RABGAP1L: variants seen among roughly 807,000 people sequenced by gnomAD.
RABGAP1L encodes rab GTPase-activating protein 1-like.
In RABGAP1L, 63 loss-of-function variants were observed where a neutral mutation model predicts 137.7. That is an observed-to-expected ratio of 0.46 (90% confidence interval 0.37 to 0.56). RABGAP1L has a LOEUF of 0.56. Ranked by LOEUF, RABGAP1L falls within the 20% of genes least tolerant of loss-of-function variation. The pLI, the probability that RABGAP1L is intolerant of heterozygous loss-of-function variation, is 0.00. For missense variants in RABGAP1L, 1,095 were observed against 1,244.0 expected (o/e 0.88, Z 1.80); for synonymous variants, 431 against 433.7 (o/e 0.99, Z 0.08).
At chr1:174,985,606 G>GT (rs1420299242) in intron 24 of RABGAP1L, among the ~76,000 whole-genome samples, 1 of 152,020 alleles carries the variant, frequency 6.6e-6, no homozygotes, top group African/African-American at 2.4e-5. Flanking sequence ...ATAGCTTTTG[G>GT]TTTTTTCAGT....
At chr1:174,200,374 T>C (rs1210546897) in intron 1 of RABGAP1L, among the ~76,000 whole-genome samples, 1 of 152,212 alleles carries the variant, frequency 6.6e-6, no homozygotes, top group Non-Finnish European at 1.5e-5. Flanking sequence ...TACCTTTTTG[T>C]ACTTGATTAG....
chr1:174,210,001 G>A (rs1463388627), intron 1 of RABGAP1L, among the ~76,000 whole-genome samples: 1 of 152,186 alleles, frequency 6.6e-6, no homozygotes, highest in East Asian at 1.9e-4. Flanking sequence ...AGACCGTCAA[G>A]GTGATACCTT....
chr1:174,255,607 C>T (rs1302144694), intron 7 of RABGAP1L, among the ~76,000 whole-genome samples: 1 of 152,212 alleles, frequency 6.6e-6, no homozygotes, highest in African/African-American at 2.4e-5. Context: ...TCACTGCAAC[C>T]TCCACCTCCT....
chr1:174,279,385 GT>G (rs1217933079), intron 10 of RABGAP1L, among the ~76,000 whole-genome samples: 2 of 152,086 alleles, frequency 1.3e-5, no homozygotes, highest in South Asian at 2.1e-4. Context: ...AATTGTGTGA[GT>G]TTTTAAAAAA....
At chr1:174,901,077 GT>G (rs1319304213) in intron 19 of RABGAP1L, among the ~76,000 whole-genome samples, 1 of 151,488 alleles carries the variant, frequency 6.6e-6, no homozygotes, top group East Asian at 1.9e-4. Flanking sequence ...CCCCTCTTTG[GT>G]CTATTCTGCT....
chr1:174,231,368 T>A lies in RABGAP1L; in HGVS notation c.542+13T>A, dbSNP rs2148506930. ...AAGGTTCTGTGAGGTAAGCTCTAAT[T>A]TGTTTTTCTTTAGACACATATTAAG... On this transcript the variant is annotated intron_variant, in intron 4 of 25. Coordinates refer to ENST00000681986, the MANE Select transcript of RABGAP1L (RefSeq NM_001366446.1). 1 of 1,607,910 alleles carries A rather than the reference T, an allele frequency of 6.2e-7. No individual in the cohort carries two copies. The highest frequency in any genetic ancestry group is 8.5e-7 in the Non-Finnish European group (1 of 1,174,456).
At chr1:174,984,401 C>A (rs571196031) in intron 24 of RABGAP1L, among the ~76,000 whole-genome samples, 1 of 152,318 alleles carries the variant, frequency 6.6e-6, no homozygotes, top group South Asian at 2.1e-4. Flanking sequence ...TCCTGTAGGA[C>A]AAGTTATGTA....
rs549998500 is a variant in RABGAP1L, at chr1:174,672,979, T to C, written c.1825-10543T>C. Among the ~76,000 whole-genome samples the C allele has an allele frequency of 2.3e-4, 35 of 152,242 alleles. No individual in the cohort carries two copies. The South Asian group carries it at 6.6e-3, about 29-fold the overall frequency. On this transcript the variant is annotated intron_variant, in intron 14 of 25. Transcript: ENST00000681986. ...CTACTGTATTCAGGAATATTCCAAA[T>C]AGGGATAGGATTCGAACTTTTCCAT...
intron 13 of RABGAP1L, among the ~76,000 whole-genome samples, chr1:174,459,596 A>C (rs551141203): frequency 6.6e-6 from 1 of 152,238 alleles, no homozygotes; most frequent in Non-Finnish European, 1.5e-5. Context: ...AATTAGTTGT[A>C]TTGTTTAGGG....
chr1:174,449,604 A>C (rs1377481988), intron 13 of RABGAP1L, among the ~76,000 whole-genome samples: 1 of 152,218 alleles, frequency 6.6e-6, no homozygotes, highest in Admixed American at 6.5e-5. Context: ...ACTTACATAA[A>C]CTGCCCTTTG....
intron 19 of RABGAP1L, among the ~76,000 whole-genome samples, chr1:174,902,533 A>G (rs1340830171): frequency 1.3e-5 from 2 of 152,166 alleles, no homozygotes; most frequent in African/African-American, 4.8e-5. Flanking sequence ...GGGCTGGTGT[A>G]TTTAAAACTC....
chr1:174,380,594 C>T (rs577186171), intron 12 of RABGAP1L, among the ~76,000 whole-genome samples: 145 of 152,176 alleles, frequency 9.5e-4, no homozygotes, highest in African/African-American at 3.3e-3. Flanking sequence ...TTGTAGTATT[C>T]TCTGATGGTA....
chr1:174,212,961 C>T (rs886077289), intron 1 of RABGAP1L, among the ~76,000 whole-genome samples: 2 of 152,170 alleles, frequency 1.3e-5, no homozygotes, highest in African/African-American at 4.8e-5. Flanking sequence ...AATTCCTAGA[C>T]ACATACAATC....
chr1:174,552,441 G>T (rs764281253), intron 13 of RABGAP1L, among the ~76,000 whole-genome samples: 4 of 152,072 alleles, frequency 2.6e-5, no homozygotes, highest in Non-Finnish European at 5.9e-5. Flanking sequence ...TTCTGTTCTT[G>T]TGTTAGTTTA....
At position 174,273,737 on chromosome 1, in the gene RABGAP1L, T is replaced by C. The variant is rs188400874; in HGVS notation, c.1053+1257T>C. On this transcript the variant is annotated intron_variant, in intron 8 of 25. Transcript: ENST00000681986. Reference sequence around the variant, plus strand: ...AGTTTAAAAGACTAAGATGAATTACTGCAGAGATTTGTCCATAAAACCTAA... The same window carrying C: ...AGTTTAAAAGACTAAGATGAATTACCGCAGAGATTTGTCCATAAAACCTAA... Among the ~76,000 whole-genome samples the C allele has an allele frequency of 2.0e-5, 3 of 152,260 alleles. No individual in the cohort carries two copies. In the East Asian group the frequency reaches 5.8e-4, roughly 29 times the overall value.
chr1:174,492,699 C>G (rs553052715), intron 13 of RABGAP1L, among the ~76,000 whole-genome samples: 1 of 152,176 alleles, frequency 6.6e-6, no homozygotes, highest in East Asian at 1.9e-4. Flanking sequence ...CCCACCCTGC[C>G]TCAACTGTAC....
intron 4 of RABGAP1L, among the ~76,000 whole-genome samples, chr1:174,235,965 A>G (rs1196919074): frequency 6.1e-4 from 39 of 64,252 alleles, no homozygotes; most frequent in Admixed American, 3.7e-4. Flanking sequence ...TGGTCTATTC[A>G]GAGATTCAAC....
At chr1:174,922,536 T>A (rs1250209308) in intron 19 of RABGAP1L, 1 of 152,228 alleles carries the variant, frequency 6.6e-6, no homozygotes, top group East Asian at 1.9e-4. Flanking sequence ...CTCGCAGCAC[T>A]GTTTTCTCAC....
rs151010964 is a variant in RABGAP1L at position 174,601,869 on chromosome 1, G to A, written c.1711-35506G>A. Among the ~76,000 whole-genome samples the A allele has an allele frequency of 1.0e-3, 152 of 152,174 alleles. 1 individual carries two copies. Among genetic ancestry groups the A allele is most frequent in the African/African-American group, 3.5e-3 (146 of 41,524 alleles). ...TTCCACAAATCTCTAGGGCAGGGACGAAATGCCACCAGTTTTTTTGCTGAA... is the reference window on the plus strand; with the variant it reads ...TTCCACAAATCTCTAGGGCAGGGACAAAATGCCACCAGTTTTTTTGCTGAA... On this transcript the variant is annotated intron_variant, in intron 13 of 25. Transcript: ENST00000681986.
Sources: allele counts gnomAD v4.1 joint callset (sites outside exome capture counted in the v4.1 genomes callset), GRCh38; gene constraint gnomAD v4.1.1; transcripts MANE v1.5; gene names NCBI Gene and HGNC (gene_info 2026-07-23, HGNC 2026-07-21).